Variants in THSD7A observed in about 807,000 individuals in gnomAD.
The protein encoded by THSD7A is thrombospondin type 1 domain containing 7A.
Under a neutral mutation model 231.3 loss-of-function variants are expected in THSD7A, and 96 were observed. That is an observed-to-expected ratio of 0.41 (90% CI 0.35 to 0.49). The LOEUF (loss-of-function observed/expected upper bound fraction) is 0.49. Among genes scored for constraint, THSD7A ranks in the 20% least tolerant of loss-of-function variants. THSD7A has a pLI of 0.05. For synonymous variants in THSD7A, 940 were observed against 743.3 expected (o/e 1.26, Z -4.30); for missense variants, 2,290 against 2,070.2 (o/e 1.11, Z -2.06).
chr7:11,414,889 T>G (rs1783908590), intron 17 of THSD7A, among the ~76,000 whole-genome samples: 1 of 152,230 alleles, frequency 6.6e-6, no homozygotes, highest in Non-Finnish European at 1.5e-5. Flanking sequence ...TAGCTGTATA[T>G]TCTCCCTACC....
At position 11,762,986 on chromosome 7, in the gene THSD7A, A is replaced by G. The variant is rs545207445; in HGVS notation, c.190+68771T>C. Reference sequence around the variant, plus strand: ...ATATGGAACCAATAAAAGAGCCCCAATAGCCAAACAATCCTAAGCAAACAT... The same window carrying G: ...ATATGGAACCAATAAAAGAGCCCCAGTAGCCAAACAATCCTAAGCAAACAT... On this transcript the variant is annotated intron_variant, in intron 1 of 27. Transcript: ENST00000423059. 4.6e-5 allele frequency among the ~76,000 whole-genome samples: 7 copies of G among 152,290 alleles called. No individual in the cohort carries two copies. The East Asian group carries it at 1.3e-3, about 29-fold the overall frequency.
intron 17 of THSD7A, among the ~76,000 whole-genome samples, chr7:11,416,364 T>C (rs894737430): frequency 6.6e-6 from 1 of 152,184 alleles, no homozygotes; most frequent in African/African-American, 2.4e-5. Flanking sequence ...CTTCATAATA[T>C]GATATCTGAC....
At chr7:11,612,362 T>C (rs1415023983) in intron 2 of THSD7A, among the ~76,000 whole-genome samples, 1 of 152,160 alleles carries the variant, frequency 6.6e-6, no homozygotes, top group Non-Finnish European at 1.5e-5. Flanking sequence ...GTCTCCTCAT[T>C]AGGTACAAAT....
At chr7:11,755,023 A>T (rs1329673680) in intron 1 of THSD7A, among the ~76,000 whole-genome samples, 1 of 152,112 alleles carries the variant, frequency 6.6e-6, no homozygotes, top group Non-Finnish European at 1.5e-5. Context: ...GCAGACACTA[A>T]CAACACAAAT....
chr7:11,492,674 A>T (rs567470563), intron 6 of THSD7A, among the ~76,000 whole-genome samples: 2 of 152,070 alleles, frequency 1.3e-5, no homozygotes, highest in African/African-American at 2.4e-5. Flanking sequence ...AGAGAACTGA[A>T]GCTAAGTGCT....
In THSD7A at chr7:11,605,952, A is replaced by C. The variant is rs1780721181; in HGVS notation, c.1023-12450T>G. On this transcript the variant is annotated intron_variant, in intron 2 of 27. Coordinates refer to ENST00000423059, the MANE Select transcript of THSD7A (RefSeq NM_015204.3). ...AGCTCCAGAACATGTAATTGTTGGA[A>C]TCTAAATCACATCCAGGCACCTGGC... Among the ~76,000 whole-genome samples, 7 of 152,252 alleles carry C rather than the reference A, an allele frequency of 4.6e-5. No homozygotes were observed. In the South Asian group the frequency reaches 1.5e-3, roughly 32 times the overall value.
rs958616381 is a variant in THSD7A at position 11,632,445 on chromosome 7, T to C, written c.1022+3685A>G. ...TTTTTGGATATTATATTTGTGTACA[T>C]CAACCTTATTGATTTTTTTATTGTT... On this transcript the variant is annotated intron_variant, in intron 2 of 27. Coordinates refer to ENST00000423059, the MANE Select transcript of THSD7A (RefSeq NM_015204.3). This position sits in a 1 kb window ranked among gnomAD's most constrained non-coding sequence, Gnocchi z 4.1. 2.6e-5 allele frequency among the ~76,000 whole-genome samples: 4 copies of C among 152,222 alleles called. No individual in the cohort carries two copies. Among genetic ancestry groups the C allele is most frequent in the African/African-American group, 7.2e-5 (3 of 41,462 alleles).
chr7:11,769,122 A>ATATATATATATATATAT lies in THSD7A; in HGVS notation c.190+62634_190+62635insATATATATATATATATA, dbSNP rs1491347103. On this transcript the variant is annotated intron_variant, in intron 1 of 27. Coordinates refer to ENST00000423059, the MANE Select transcript of THSD7A (RefSeq NM_015204.3). ...ACAGGCACCTGCCATAATTCCTGGCAATATATATATATATATATATATATA... is the reference window on the plus strand; with the variant it reads ...ACAGGCACCTGCCATAATTCCTGGCATATATATATATATATATATATATATATATATATATATATATA... Among the ~76,000 whole-genome samples, 99 of 35,888 alleles carry ATATATATATATATATAT rather than the reference A, an allele frequency of 2.8e-3. 18 individuals carry two copies. The highest frequency in any genetic ancestry group is 2.9e-3 in the Non-Finnish European group (54 of 18,880). The allele number at this position is 35,888 out of a possible 152,430, so 23.5% of individuals were successfully genotyped here.
intron 2 of THSD7A, among the ~76,000 whole-genome samples, chr7:11,594,167 C>T (rs1360949662): frequency 6.6e-6 from 1 of 152,196 alleles, no homozygotes; most frequent in Non-Finnish European, 1.5e-5. Context: ...TGCCCTCGAA[C>T]ATCAGACTCC....
At chr7:11,650,667 G>A (rs1782464369) in intron 1 of THSD7A, among the ~76,000 whole-genome samples, 1 of 152,058 alleles carries the variant, frequency 6.6e-6, no homozygotes, top group Non-Finnish European at 1.5e-5. Flanking sequence ...GTAAGTGGCA[G>A]TCAGTTTGCA....
chr7:11,515,070 T>C (rs1205709171), intron 6 of THSD7A, among the ~76,000 whole-genome samples: 1 of 152,200 alleles, frequency 6.6e-6, no homozygotes, highest in African/African-American at 2.4e-5. Context: ...ATATTAACTT[T>C]AGAAATAAAT....
chr7:11,801,234 A>G (rs986757792), intron 1 of THSD7A, among the ~76,000 whole-genome samples: 2 of 152,134 alleles, frequency 1.3e-5, no homozygotes, highest in Non-Finnish European at 2.9e-5. Context: ...AAAAGAAGTT[A>G]TGTTGCTGGA....
intron 4 of THSD7A, among the ~76,000 whole-genome samples, chr7:11,551,698 G>A (rs1052971233): frequency 1.3e-5 from 2 of 152,014 alleles, no homozygotes; most frequent in Non-Finnish European, 2.9e-5. Flanking sequence ...AAAAATAACA[G>A]AAGCTGGCAA....
At chr7:11,507,603 T>TTG (rs1006515206) in intron 6 of THSD7A, among the ~76,000 whole-genome samples, 2 of 122,672 alleles carry the variant, frequency 1.6e-5, no homozygotes, top group African/African-American at 6.2e-5. Flanking sequence ...TAATGTGTGT[T>TTG]TTTTTTTTTT....
intron 1 of THSD7A, among the ~76,000 whole-genome samples, chr7:11,663,614 T>C (rs768342957): frequency 6.6e-6 from 1 of 151,416 alleles, no homozygotes; most frequent in Non-Finnish European, 1.5e-5. Context: ...TAGAGGCCAG[T>C]CTCTCTGACA....
chr7:11,654,853 G>A (rs1782647902), intron 1 of THSD7A, among the ~76,000 whole-genome samples: 1 of 151,860 alleles, frequency 6.6e-6, no homozygotes, highest in Admixed American at 6.6e-5. Flanking sequence ...AATACACATG[G>A]TTTACTGAGT....
At chr7:11,382,262 TATTAGA>T (rs1782547198) in intron 24 of THSD7A, among the ~76,000 whole-genome samples, 1 of 152,136 alleles carries the variant, frequency 6.6e-6, no homozygotes, top group South Asian at 2.1e-4. Flanking sequence ...AACAATTATT[TATTAGA>T]ATTAGATAGT....
intron 1 of THSD7A, among the ~76,000 whole-genome samples, chr7:11,750,503 A>T (rs1782463381): frequency 6.6e-6 from 1 of 152,016 alleles, no homozygotes; most frequent in Admixed American, 6.6e-5. Flanking sequence ...CTGAAAGCTC[A>T]TATTCTGACC....
intron 2 of THSD7A, among the ~76,000 whole-genome samples, chr7:11,628,730 G>A (rs1049980455): frequency 1.3e-5 from 2 of 152,258 alleles, no homozygotes; most frequent in Admixed American, 1.3e-4. Flanking sequence ...GAATGAAAAG[G>A]TAAATAAGTA....
Sources: gnomAD v4.1 joint callset for allele counts (sites outside exome capture counted in the v4.1 genomes callset) on GRCh38, gnomAD v4.1.1 for gene constraint, Gnocchi (gnomAD v3.1) non-coding constraint, MANE v1.5 for transcripts, NCBI Gene and HGNC (gene_info 2026-07-23, HGNC 2026-07-21) for gene names.